The following GPR155 variants were observed in gnomAD, a reference collection of about 807,000 sequenced individuals.
GPR155 encodes the protein lysosomal cholesterol signaling protein.
In GPR155, 65 loss-of-function variants were observed where a neutral mutation model predicts 93.1. The ratio of observed to expected loss-of-function variants is 0.70; its 90% CI spans 0.57 to 0.86. The LOEUF (loss-of-function observed/expected upper bound fraction) is 0.86. GPR155 is among the 40% of genes least tolerant of loss of function. The pLI, the probability that GPR155 is intolerant of heterozygous loss-of-function variation, is 0.00. For missense variants in GPR155, 838 were observed against 1,034.8 expected (o/e 0.81, Z 2.61); for synonymous variants, 319 against 360.1 (o/e 0.89, Z 1.29).
intron 11 of GPR155, among the ~76,000 whole-genome samples, chr2:174,450,380 C>G (rs1443262948): frequency 6.6e-6 from 1 of 152,066 alleles, no homozygotes; most frequent in Non-Finnish European, 1.5e-5. Context: ...ATGCTTAGTA[C>G]CTGGGTGATG....
chr2:174,453,083 T>C (rs1262197689), intron 11 of GPR155, among the ~76,000 whole-genome samples: 1 of 152,230 alleles, frequency 6.6e-6, no homozygotes. Context: ...GGGGGAAAAG[T>C]CTGTTTCTAA....
At chr2:174,441,319 T>G (rs1686951250) in intron 14 of GPR155, among the ~76,000 whole-genome samples, 1 of 151,924 alleles carries the variant, frequency 6.6e-6, no homozygotes, top group Non-Finnish European at 1.5e-5. Context: ...ATTTAGGCAT[T>G]AAAAATACGT....
chr2:174,436,350 G>C lies in GPR155; in HGVS notation c.2379C>G (p.Val793=), dbSNP rs201833095. 1 of 1,614,054 alleles carries C rather than the reference G, an allele frequency of 6.2e-7. No homozygotes were observed. The highest frequency in any genetic ancestry group is 8.5e-7 in the Non-Finnish European group (1 of 1,180,036). Residue 793 remains valine (V), a synonymous_variant, in exon 16 of 16, where the codon GTC becomes GTG. Transcript: ENST00000392552. ...GCDLVSWLIE[V]GLASDRGEAV... ...CTTCACCACGGTCGGAGGCAAGGCC[G>C]ACTTCAATTAGCCAGCTCACCAGGT...
Position 174,436,239 on chromosome 2 carries a change from A to T in GPR155, c.2490T>A (p.Phe830Leu). Reference sequence around the variant, plus strand: ...CAGGACTCTTTTGAAGAAATCTGTAAAACAAGTACTCATCCCGGAATTCAT... The same window carrying T: ...CAGGACTCTTTTGAAGAAATCTGTATAACAAGTACTCATCCCGGAATTCAT... ...NEYEFRDEYL[F>L]YRFLQKSPEQ... The change falls in exon 16 of 16, where the codon TTT becomes TTA. Residue 830 changes from phenylalanine (F) to leucine (L), a missense_variant. Transcript: ENST00000392552. 6.2e-7 allele frequency: 1 copy of T among 1,614,082 alleles called. No homozygotes were observed. Among genetic ancestry groups the T allele is most frequent in the Non-Finnish European group, 8.5e-7 (1 of 1,179,926 alleles).
chr2:174,476,808 C>T (rs1264146612), intron 2 of GPR155, among the ~76,000 whole-genome samples: 3 of 152,100 alleles, frequency 2.0e-5, no homozygotes, highest in African/African-American at 7.2e-5. Flanking sequence ...TTCTTAATAT[C>T]TCCTTTTTTT....
chr2:174,483,645 C>T (rs1422588594), intron 1 of GPR155, among the ~76,000 whole-genome samples: 1 of 151,808 alleles, frequency 6.6e-6, no homozygotes, highest in African/African-American at 2.4e-5. Context: ...AGTGTAATGG[C>T]GTGATTGCGG....
At position 174,461,407 on chromosome 2, in the gene GPR155, C is replaced by T. The variant is rs751398281; in HGVS notation, c.1555G>A (p.Glu519Lys). Residue 519 changes from glutamate to lysine, a missense_variant, in exon 9 of 16, where the codon GAA becomes AAA. By Grantham distance (56) the Glu-to-Lys change is moderately conservative. This residue lies in a region of GPR155 where 663 missense variants were observed against 790.1 expected (regional missense o/e 0.84). Coordinates refer to ENST00000392552, the MANE Select transcript of GPR155 (RefSeq NM_152529.7). ...TGCCAGTAAACTCTTCCCACCTGTT[C>T]TTTTCCATAAAAGAAGGCTGAGTCA... ...SIDSAFFYGK[E>K]QMITTAVTLF... The T allele has an allele frequency of 3.0e-5, 49 of 1,608,380 alleles. No individual in the cohort carries two copies. The highest frequency in any genetic ancestry group is 4.0e-5 in the African/African-American group (3 of 74,830).
intron 13 of GPR155, among the ~76,000 whole-genome samples, chr2:174,444,798 A>C (rs1004500783): frequency 4.6e-5 from 7 of 152,054 alleles, no homozygotes; most frequent in African/African-American, 1.7e-4. Flanking sequence ...GCCCGGTCCC[A>C]ATGTGACTTA....
At chr2:174,468,753 C>T (rs961004510) in intron 5 of GPR155, among the ~76,000 whole-genome samples, 159 bp downstream of exon 5, 5 of 152,172 alleles carry the variant, frequency 3.3e-5, no homozygotes, top group Non-Finnish European at 4.4e-5. Flanking sequence ...AATAGAAAAA[C>T]AAAACTCAGT....
chr2:174,479,489 T>C (rs371201125), intron 2 of GPR155, among the ~76,000 whole-genome samples: 36 of 152,162 alleles, frequency 2.4e-4, no homozygotes, highest in Middle Eastern at 3.2e-3. Context: ...TGGGATAAAA[T>C]AATTAAATCT....
intron 13 of GPR155, among the ~76,000 whole-genome samples, chr2:174,443,330 A>G (rs768386119): frequency 3.9e-5 from 6 of 152,248 alleles, no homozygotes; most frequent in Non-Finnish European, 7.3e-5. Context: ...ACTCATTCAT[A>G]TGGCAAATTA....
At chr2:174,444,188 G>A (rs1304085657) in intron 13 of GPR155, among the ~76,000 whole-genome samples, 1 of 152,006 alleles carries the variant, frequency 6.6e-6, no homozygotes, top group Non-Finnish European at 1.5e-5. Context: ...AGGCTGAGGT[G>A]GGTGGATCTC....
chr2:174,467,281 C>A (rs971768036), intron 5 of GPR155, among the ~76,000 whole-genome samples: 1 of 152,248 alleles, frequency 6.6e-6, no homozygotes, highest in Non-Finnish European at 1.5e-5. Context: ...AGGCGGATCA[C>A]TTGAGGTTAA....
intron 4 of GPR155, 61 bp downstream of exon 4, chr2:174,470,329 G>A (rs1367389744): frequency 6.2e-6 from 8 of 1,283,578 alleles, no homozygotes; most frequent in Non-Finnish European, 8.5e-6. Context: ...AATTTGAAAT[G>A]AATTTAAAAA....
intron 7 of GPR155, among the ~76,000 whole-genome samples, chr2:174,462,450 A>C (rs531381394): frequency 4.6e-5 from 7 of 152,246 alleles, no homozygotes; most frequent in Non-Finnish European, 1.0e-4. Flanking sequence ...AGCTGGGATT[A>C]CAGGTGTGCA....
chr2:174,461,315 GTTAATT>G (rs1341515740), intron 9 of GPR155, 81 bp downstream of exon 9: 1 of 791,734 alleles, frequency 1.3e-6, no homozygotes, highest in Non-Finnish European at 2.1e-6. Context: ...GATTTTCAAA[GTTAATT>G]TTAATATAAG....
intron 2 of GPR155, among the ~76,000 whole-genome samples, chr2:174,476,394 A>G (rs750594396): frequency 9.9e-5 from 15 of 152,212 alleles, no homozygotes; most frequent in Non-Finnish European, 1.5e-4. Context: ...TCATGAGGTC[A>G]GGAGTTCAAG....
chr2:174,438,731 T>C (rs958090242), intron 15 of GPR155, among the ~76,000 whole-genome samples: 4 of 152,126 alleles, frequency 2.6e-5, no homozygotes, highest in African/African-American at 4.8e-5. Context: ...GGTCTTGAAC[T>C]CCTGACCTCA....
intron 14 of GPR155, 59 bp from the exon 15 acceptor site, chr2:174,440,094 C>G: frequency 7.1e-7 from 1 of 1,413,800 alleles, no homozygotes; most frequent in Non-Finnish European, 9.8e-7. Flanking sequence ...GAGAACTCTT[C>G]CTGCCTTATC....
Sources: allele counts gnomAD v4.1 joint callset (sites outside exome capture counted in the v4.1 genomes callset), GRCh38; gene constraint gnomAD v4.1.1; regional missense constraint gnomAD v4.1.1; transcripts MANE v1.5; gene names NCBI Gene and HGNC (gene_info 2026-07-23, HGNC 2026-07-21).